Variants in MELK observed in about 807,000 individuals in gnomAD.
MELK encodes the protein pEg3 kinase.
Under a neutral mutation model 85.0 loss-of-function variants are expected in MELK, and 81 were observed. That is an observed-to-expected ratio of 0.95 (90% CI 0.80 to 1.15). MELK has a LOEUF of 1.15. Ranked by LOEUF, MELK falls within the 50% of genes most tolerant of loss-of-function variation. MELK has a pLI of 0.00. For missense variants in MELK, 754 were observed against 777.5 expected (o/e 0.97, Z 0.36); for synonymous variants, 252 against 265.0 (o/e 0.95, Z 0.48).
chr9:36,642,946 T>C, intron 10 of MELK, 51 bp from the exon 11 acceptor site: 4 of 1,303,226 alleles, frequency 3.1e-6, no homozygotes, highest in Non-Finnish European at 4.3e-6. Context: ...GTGAAAACAT[T>C]GAATATATTT....
intron 8 of MELK, among the ~76,000 whole-genome samples, chr9:36,611,511 C>A (rs1026322204): frequency 4.6e-5 from 7 of 152,104 alleles, no homozygotes; most frequent in African/African-American, 1.4e-4. Context: ...GCTTGGGGTG[C>A]TTTAAAGAGT....
intron 16 of MELK, among the ~76,000 whole-genome samples, chr9:36,671,638 C>G (rs531045491): frequency 6.6e-6 from 1 of 152,134 alleles, no homozygotes; most frequent in African/African-American, 2.4e-5. Context: ...GGCCTCAAGG[C>G]CTGGCTAAGA....
At chr9:36,660,611 T>G (rs889753899) in intron 13 of MELK, among the ~76,000 whole-genome samples, 1 of 150,116 alleles carries the variant, frequency 6.7e-6, no homozygotes, top group African/African-American at 2.4e-5. Context: ...CGTGAGCCAC[T>G]GCGCCTGGCA....
At chr9:36,667,452 G>A (rs1041290535) in intron 14 of MELK, among the ~76,000 whole-genome samples, 17 of 152,224 alleles carry the variant, frequency 1.1e-4, no homozygotes, top group Non-Finnish European at 1.3e-4. Context: ...CATTGTGCCC[G>A]GCCCAGGGCT....
chr9:36,616,198 G>T (rs919074326), intron 8 of MELK, among the ~76,000 whole-genome samples: 1 of 152,142 alleles, frequency 6.6e-6, no homozygotes, highest in Non-Finnish European at 1.5e-5. Flanking sequence ...TTGACCCTTT[G>T]TATATACAGG....
At chr9:36,657,037 C>T (rs555739281) in intron 12 of MELK, among the ~76,000 whole-genome samples, 1 of 152,218 alleles carries the variant, frequency 6.6e-6, no homozygotes, top group Admixed American at 6.5e-5. Flanking sequence ...CAGGCTATAA[C>T]GTACAGCCTA....
intron 11 of MELK, among the ~76,000 whole-genome samples, chr9:36,646,046 G>T (rs1390615264): frequency 2.0e-5 from 3 of 152,150 alleles, no homozygotes; most frequent in South Asian, 2.1e-4. Context: ...GTCGTAACTG[G>T]GGTTTGTGTA....
At chr9:36,625,754 C>G (rs1827866637) in intron 8 of MELK, among the ~76,000 whole-genome samples, 1 of 151,956 alleles carries the variant, frequency 6.6e-6, no homozygotes, top group Non-Finnish European at 1.5e-5. Flanking sequence ...GACCCTGTCT[C>G]TACTAAAAAT....
At chr9:36,664,803 A>G (rs913309873) in intron 13 of MELK, among the ~76,000 whole-genome samples, 1 of 152,218 alleles carries the variant, frequency 6.6e-6, no homozygotes, top group Non-Finnish European at 1.5e-5. Context: ...GAGGCAGAAG[A>G]TAGCTGCCCT....
chr9:36,606,183 C>G (rs1825460372), intron 7 of MELK, among the ~76,000 whole-genome samples: 1 of 151,436 alleles, frequency 6.6e-6, no homozygotes, highest in Admixed American at 6.6e-5. Context: ...TAGTGTCTCT[C>G]TCTCTCTCTA....
chr9:36,585,827 A>G (rs1478879676), intron 3 of MELK, among the ~76,000 whole-genome samples: 1 of 151,980 alleles, frequency 6.6e-6, no homozygotes, highest in African/African-American at 2.4e-5. Flanking sequence ...AGTCCCAGCT[A>G]CTTGGGAGGT....
In MELK at chr9:36,669,530, T is replaced by A. The variant is rs553155197; in HGVS notation, c.1505+124T>A. 3.4e-4 allele frequency: 225 copies of A among 656,998 alleles called. No homozygotes were observed. The African/African-American group carries it at 4.2e-3, about 12-fold the overall frequency. 40.7% of individuals were successfully genotyped at this position (656,998 alleles called of 1,614,324 possible). A position where few individuals can be genotyped will look rare whatever the true frequency, so the allele number is the denominator to read the frequency against. On this transcript the variant is annotated intron_variant, in intron 15 of 17. Transcript: ENST00000298048. ...GATTCTGTTGGAGAGTAGGAATATC[T>A]GTTTATGTGTGGATGACCTGTGGCC...
chr9:36,638,388 C>T (rs1001942903), intron 10 of MELK, among the ~76,000 whole-genome samples: 2 of 151,994 alleles, frequency 1.3e-5, no homozygotes, highest in East Asian at 1.9e-4. Context: ...TGGGTTCAAG[C>T]GATTTTCCTG....
chr9:36,628,490 G>C (rs1397535613), intron 8 of MELK, among the ~76,000 whole-genome samples: 1 of 152,004 alleles, frequency 6.6e-6, no homozygotes, highest in East Asian at 1.9e-4. Context: ...CGTAATCTCA[G>C]CTCACTGCGA....
chr9:36,590,710 G>A (rs116566768), intron 4 of MELK, among the ~76,000 whole-genome samples: 1 of 152,010 alleles, frequency 6.6e-6, no homozygotes, highest in South Asian at 2.1e-4. Flanking sequence ...TTTAGTTTTC[G>A]TTAGTCTCAG....
intron 8 of MELK, among the ~76,000 whole-genome samples, chr9:36,622,909 C>T (rs1046123081): frequency 4.6e-5 from 7 of 152,206 alleles, no homozygotes; most frequent in African/African-American, 1.7e-4. Context: ...GATTCTCCCA[C>T]TGTTATCTGT....
intron 1 of MELK, among the ~76,000 whole-genome samples, chr9:36,580,811 C>T (rs560679624): frequency 1.3e-5 from 2 of 151,812 alleles, no homozygotes; most frequent in African/African-American, 4.8e-5. Flanking sequence ...TCACTGCAAC[C>T]TCCACCTCCC....
intron 3 of MELK, 47 bp downstream of exon 3, chr9:36,583,759 C>T (rs1363409358): frequency 2.9e-6 from 4 of 1,356,142 alleles, no homozygotes; most frequent in East Asian, 2.3e-5. Context: ...AGATCAGTTT[C>T]GTGAATTAAA....
At chr9:36,664,384 A>G (rs921906435) in intron 13 of MELK, among the ~76,000 whole-genome samples, 4 of 152,100 alleles carry the variant, frequency 2.6e-5, no homozygotes, top group Non-Finnish European at 5.9e-5. Context: ...GCTTGGGTTA[A>G]GGGCTTGAGT....
Sources: allele counts gnomAD v4.1 joint callset (sites outside exome capture counted in the v4.1 genomes callset), GRCh38; gene constraint gnomAD v4.1.1; transcripts MANE v1.5; gene names NCBI Gene and HGNC (gene_info 2026-07-23, HGNC 2026-07-21).